BRD2: variants seen among roughly 807,000 people sequenced by gnomAD.
BRD2 encodes the protein bromodomain-containing protein 2.
In BRD2, 15 loss-of-function variants were observed where a neutral mutation model predicts 79.1. The ratio of observed to expected loss-of-function variants is 0.19; its 90% CI spans 0.13 to 0.29. BRD2 has a LOEUF of 0.29. Among genes scored for constraint, BRD2 ranks in the 10% least tolerant of loss-of-function variants. The pLI is 1.00. For synonymous variants in BRD2, 488 were observed against 358.6 expected (o/e 1.36, Z -4.08); for missense variants, 1,053 against 991.3 (o/e 1.06, Z -0.84).
intron 2 of BRD2, chr6:32,973,177 G>C (rs1778263381): frequency 1.3e-6 from 2 of 1,535,978 alleles, no homozygotes; most frequent in Non-Finnish European, 1.8e-6. Context: ...AGTCTTAACC[G>C]AGTCAGGCAG....
intron 8 of BRD2, 32 bp downstream of exon 8, chr6:32,977,602 AT>A: frequency 1.2e-6 from 2 of 1,612,318 alleles, no homozygotes; most frequent in African/African-American, 2.7e-5. Flanking sequence ...TGAAAAATAA[AT>A]GGTATGGGGA....
chr6:32,976,540 C>T (rs753078710), intron 6 of BRD2, 22 bp from the exon 7 acceptor site: 1 of 1,591,706 alleles, frequency 6.3e-7, no homozygotes, highest in East Asian at 2.2e-5. Context: ...TGACAGGTTC[C>T]CTATCTTGTT....
Position 32,981,228 on chromosome 6 carries a change from T to G in BRD2, c.*510T>G, listed in dbSNP as rs2127530406. 2 of 154,544 alleles carry G rather than the reference T, an allele frequency of 1.3e-5. No homozygotes were observed. Among genetic ancestry groups the G allele is most frequent in the East Asian group, 3.8e-4 (2 of 5,246 alleles). 9.6% of individuals were successfully genotyped at this position (154,544 alleles called of 1,614,324 possible). On this transcript the variant is annotated 3_prime_UTR_variant, in exon 13 of 13. Transcript: ENST00000374825. ...TTTCCTTCCGCTCCATTTGGGGCCC[T>G]GGGGGTTTCAGTCATCTCCCCATTT...
intron 1 of BRD2, chr6:32,969,409 G>T (rs2127495737): frequency 1.4e-6 from 1 of 714,432 alleles, no homozygotes; most frequent in East Asian, 2.7e-5. Flanking sequence ...GGGCTGAGGA[G>T]TGGTGGCTGT....
chr6:32,975,239 A>C (rs1232233472), intron 3 of BRD2, 145 bp from the exon 4 acceptor site: 7 of 1,163,698 alleles, frequency 6.0e-6, no homozygotes, highest in Non-Finnish European at 7.1e-6. Flanking sequence ...CCCACAGTTT[A>C]ATTGGGGCCG....
At chr6:32,977,246 AT>A (rs1778886482) in intron 7 of BRD2, 195 bp from the exon 8 acceptor site, 2 of 1,537,716 alleles carry the variant, frequency 1.3e-6, no homozygotes, top group East Asian at 4.9e-5. Context: ...CTTAGAAATG[AT>A]TTCTTTTTCT....
At chr6:32,973,078 G>A (rs1270314535) in intron 2 of BRD2, 151 bp downstream of exon 2, 11 of 1,582,026 alleles carry the variant, frequency 7.0e-6, no homozygotes, top group Admixed American at 1.9e-5. Context: ...ATTGAGCGAC[G>A]GTTTTGGAAC....
chr6:32,976,866 A>G lies in BRD2; in HGVS notation c.1130A>G (p.Asp377Gly), dbSNP rs2127517511. 6.2e-7 allele frequency: 1 copy of G among 1,613,164 alleles called. No individual in the cohort carries two copies. The highest frequency in any genetic ancestry group is 8.5e-7 in the Non-Finnish European group (1 of 1,180,038). The change falls in exon 7 of 13, where the codon GAT (aspartate) becomes GGT (glycine). Residue 377 changes from aspartate to glycine, a missense_variant. Physicochemically the swap from Asp to Gly is moderately conservative, Grantham distance 94. This residue lies in a region of BRD2 where 454 missense variants were observed against 430.5 expected (regional missense o/e 1.05). Transcript: ENST00000374825. ...AYAWPFYKPVDASALGLHDYH... is the reference protein window; with the variant it reads ...AYAWPFYKPVGASALGLHDYH... ...GCTTGGCCTTTCTATAAACCAGTGG[A>G]TGCTTCTGCACTTGGCCTGCATGAC...
chr6:32,980,120 C>G lies in BRD2; in HGVS notation c.2134C>G (p.Arg712Gly), dbSNP rs763703049. ...CCTTTCCTGCCTACGTAAGAAACCC[C>G]GGAAGCCCTACAGTACGTATGAAAT... ...YVLSCLRKKP[R>G]KPYTIKKPVG... The change falls in exon 11 of 13, where the codon CGG (arginine) becomes GGG (glycine). Residue 712 changes from arginine to glycine, a missense_variant. By Grantham distance (125) the Arg-to-Gly change is moderately radical. Transcript: ENST00000374825. 1.2e-6 allele frequency: 2 copies of G among 1,611,772 alleles called. No homozygotes were observed. The highest frequency in any genetic ancestry group is 1.7e-6 in the Non-Finnish European group (2 of 1,179,750).
At chr6:32,973,445 G>C (rs902232399) in intron 2 of BRD2, among the ~76,000 whole-genome samples, 1 of 152,136 alleles carries the variant, frequency 6.6e-6, no homozygotes, top group African/African-American at 2.4e-5. Context: ...TTCTTTGGGT[G>C]GGTGGGTTGT....
At position 32,978,225 on chromosome 6, in the gene BRD2, G is replaced by T. The variant is rs1779036861; in HGVS notation, c.1678G>T (p.Ala560Ser). The change falls in exon 10 of 13, where the codon GCA becomes TCA. Residue 560 changes from alanine to serine, a missense_variant. Physicochemically the swap from Ala to Ser is moderately conservative, Grantham distance 99. This residue lies in a region of BRD2 where 454 missense variants were observed against 430.5 expected (regional missense o/e 1.05). Coordinates refer to ENST00000374825, the MANE Select transcript of BRD2 (RefSeq NM_005104.4). ...AAAAGAGAAAAAGAAGAAACGGAAG[G>T]CAGAGAAGCATCGAGGCCGAGCTGG... ...EKKEKKKKRK[A>S]EKHRGRAGAD... 6.2e-7 allele frequency: 1 copy of T among 1,613,060 alleles called. No individual in the cohort carries two copies.
rs777411075 is a variant in BRD2 at position 32,977,714 on chromosome 6, G to A, written c.1330-43G>A. ...ATCACTTGGTGGCTGGGTATGTAGGGCACTGTTTATCAGCATAGTTTTGAG... is the reference window on the plus strand; with the variant it reads ...ATCACTTGGTGGCTGGGTATGTAGGACACTGTTTATCAGCATAGTTTTGAG... On this transcript the variant is annotated intron_variant, in intron 8 of 12. Coordinates refer to ENST00000374825, the MANE Select transcript of BRD2 (RefSeq NM_005104.4). 9 of 1,610,860 alleles carry A rather than the reference G, an allele frequency of 5.6e-6. No individual in the cohort carries two copies. The East Asian group carries it at 6.7e-5, about 12-fold the overall frequency.
chr6:32,969,158 A>T (rs1029777443), intron 1 of BRD2, 102 bp downstream of exon 1: 2 of 520,014 alleles, frequency 3.8e-6, no homozygotes, highest in Non-Finnish European at 6.9e-6. Context: ...GAATCCTGAG[A>T]GTGGGAAGAT....
Position 32,971,991 on chromosome 6 carries a change from A to C in BRD2, c.-908A>C, listed in dbSNP as rs773725995. On this transcript the variant is annotated 5_prime_UTR_variant, in exon 2 of 13. Coordinates refer to ENST00000374825, the MANE Select transcript of BRD2 (RefSeq NM_005104.4). ...CTGGTGACTGACACCTTGGAAATGA[A>C]GTTTATGACGTCATCGTTGCGGCTG... is the stretch of plus-strand genomic sequence containing the variant. 2.8e-6 allele frequency: 2 copies of C among 702,550 alleles called. No individual in the cohort carries two copies. The highest frequency in any genetic ancestry group is 4.0e-5 in the Admixed American group (2 of 49,988). The allele number at this position is 702,550 out of a possible 1,614,324, so 43.5% of individuals were successfully genotyped here. A position where few individuals can be genotyped will look rare whatever the true frequency, so the allele number is the denominator to read the frequency against.
chr6:32,977,730 T>G, intron 8 of BRD2, 27 bp from the exon 9 acceptor site: 3 of 1,612,412 alleles, frequency 1.9e-6, no homozygotes, highest in African/African-American at 1.3e-5. Context: ...TTTATCAGCA[T>G]AGTTTTGAGT....
chr6:32,980,319 T>G (rs1391222490), intron 11 of BRD2, 23 bp from the exon 12 acceptor site: 1 of 1,612,150 alleles, frequency 6.2e-7, no homozygotes, highest in Non-Finnish European at 8.5e-7. Flanking sequence ...TCTTAATGTA[T>G]CCTGATAAAT....
intron 2 of BRD2, 134 bp downstream of exon 2, chr6:32,973,061 G>C: frequency 6.3e-7 from 1 of 1,596,434 alleles, no homozygotes; most frequent in Non-Finnish European, 8.5e-7. Flanking sequence ...TCGGTCGCGC[G>C]GAGGGAATTG....
rs1376719065 is a variant in BRD2 at position 32,972,067 on chromosome 6, C to A, written c.-832C>A. 2 of 698,466 alleles carry A rather than the reference C, an allele frequency of 2.9e-6. No homozygotes were observed. Among genetic ancestry groups the A allele is most frequent in the African/African-American group, 3.5e-5 (2 of 57,038 alleles). 43.3% of individuals were successfully genotyped at this position (698,466 alleles called of 1,614,324 possible). ...AGGTGTTCCTTCCCCTTCGACTCAGCTTCTTCACCCGCGTGAGCGAGCGCG... is the reference window on the plus strand; with the variant it reads ...AGGTGTTCCTTCCCCTTCGACTCAGATTCTTCACCCGCGTGAGCGAGCGCG... On this transcript the variant is annotated 5_prime_UTR_variant, in exon 2 of 13. Transcript: ENST00000374825.
Position 32,980,980 on chromosome 6 carries a change from C to A in BRD2, c.*262C>A. 1 of 511,274 alleles carries A rather than the reference C, an allele frequency of 2.0e-6. No individual in the cohort carries two copies. The highest frequency in any genetic ancestry group is 3.6e-6 in the Non-Finnish European group (1 of 281,552). 31.7% of individuals were successfully genotyped at this position (511,274 alleles called of 1,614,324 possible). A position where few individuals can be genotyped will look rare whatever the true frequency, so the allele number is the denominator to read the frequency against. ...AGCCCCCATTCAAAATGGGGCAGGG[C>A]AAGGGTGGGAGTGTGCAAAGCCCTG... is the stretch of plus-strand genomic sequence containing the variant. On this transcript the variant is annotated 3_prime_UTR_variant, in exon 13 of 13. Transcript: ENST00000374825.
Sources: gnomAD v4.1 joint callset for allele counts (sites outside exome capture counted in the v4.1 genomes callset) on GRCh38, gnomAD v4.1.1 for gene constraint, gnomAD v4.1.1 regional missense constraint, MANE v1.5 for transcripts, NCBI Gene and HGNC (gene_info 2026-07-23, HGNC 2026-07-21) for gene names.